The following PIP5K1B variants were observed in gnomAD, a reference collection of about 807,000 sequenced individuals.
PIP5K1B encodes the protein phosphatidylinositol-4-phosphate 5-kinase type 1 beta, also known as phosphatidylinositol 4-phosphate 5-kinase type-1 beta.
A neutral mutation model predicts 67.0 loss-of-function variants in PIP5K1B; 42 were observed. The observed-to-expected ratio is 0.63, with a 90% CI of 0.49 to 0.81. The LOEUF (loss-of-function observed/expected upper bound fraction) is 0.81. Ranked by LOEUF, PIP5K1B falls within the 30% of genes least tolerant of loss-of-function variation. The pLI, the probability that PIP5K1B is intolerant of heterozygous loss-of-function variation, is 0.00. For synonymous variants in PIP5K1B, 214 were observed against 231.4 expected (o/e 0.92, Z 0.68); for missense variants, 459 against 646.3 (o/e 0.71, Z 3.14).
At chr9:68,770,596 T>C (rs920573083) in intron 2 of PIP5K1B, among the ~76,000 whole-genome samples, 11 of 152,180 alleles carry the variant, frequency 7.2e-5, no homozygotes, top group African/African-American at 2.7e-4. Context: ...CCAGTGAGTC[T>C]TACTGCCTGA....
At chr9:68,833,367 G>A (rs1039629181) in intron 4 of PIP5K1B, among the ~76,000 whole-genome samples, 4 of 152,164 alleles carry the variant, frequency 2.6e-5, no homozygotes, top group Admixed American at 1.3e-4. Context: ...AAGCCCTGAG[G>A]CAGGAAGGAG....
At chr9:68,795,087 G>T (rs184330094) in intron 2 of PIP5K1B, among the ~76,000 whole-genome samples, 1 of 152,248 alleles carries the variant, frequency 6.6e-6, no homozygotes, top group Non-Finnish European at 1.5e-5. Context: ...GCTCTAGGTA[G>T]TATTGGTTTT....
chr9:68,968,715 A>ATATTTTT (rs779031015), intron 14 of PIP5K1B, among the ~76,000 whole-genome samples: 41 of 142,228 alleles, frequency 2.9e-4, no homozygotes, highest in African/African-American at 1.0e-3. Context: ...ATATATATAT[A>ATATTTTT]TTTTTTTTTT....
In PIP5K1B at chr9:68,895,134, A is replaced by C. The variant is rs79695677; in HGVS notation, c.771+496A>C. 3.8e-3 allele frequency among the ~76,000 whole-genome samples: 574 copies of C among 152,238 alleles called. 25 individuals are homozygous for C. In the East Asian group the frequency reaches 0.088, roughly 23 times the overall value. On this transcript the variant is annotated intron_variant, in intron 8 of 15. Transcript: ENST00000265382. ...TGATATGAGCAGCACGTTTGCTGAA[A>C]TTATTTTATGTGGTCTGAATAAGAG...
intron 4 of PIP5K1B, among the ~76,000 whole-genome samples, chr9:68,858,960 T>C (rs1457414560): frequency 6.6e-6 from 1 of 152,244 alleles, no homozygotes; most frequent in Non-Finnish European, 1.5e-5. Context: ...GTAACTTTCA[T>C]CATTATTATC....
intron 2 of PIP5K1B, among the ~76,000 whole-genome samples, chr9:68,762,412 A>C (rs1386952686): frequency 6.6e-6 from 1 of 152,084 alleles, no homozygotes; most frequent in Non-Finnish European, 1.5e-5. Context: ...GACTGTATTA[A>C]TTTGCATTTC....
At chr9:68,785,701 GC>G (rs1831572074) in intron 2 of PIP5K1B, among the ~76,000 whole-genome samples, 1 of 152,222 alleles carries the variant, frequency 6.6e-6, no homozygotes, top group Non-Finnish European at 1.5e-5. Context: ...GGATTCCAGA[GC>G]TGGGAGGTAG....
At chr9:68,711,559 T>A (rs1195891643) in intron 1 of PIP5K1B, among the ~76,000 whole-genome samples, 2 of 152,338 alleles carry the variant, frequency 1.3e-5, no homozygotes, top group Non-Finnish European at 1.5e-5. Flanking sequence ...AATATCACTC[T>A]TCAAAATCTT....
chr9:68,959,006 AAAG>A (rs1828559874), intron 14 of PIP5K1B, among the ~76,000 whole-genome samples: 1 of 152,226 alleles, frequency 6.6e-6, no homozygotes, highest in Non-Finnish European at 1.5e-5. Context: ...TGTAGGAAAG[AAAG>A]AATAAGAAAG....
At chr9:68,873,519 A>G (rs936255255) in intron 5 of PIP5K1B, among the ~76,000 whole-genome samples, 60 of 151,684 alleles carry the variant, frequency 4.0e-4, no homozygotes, top group African/African-American at 1.3e-3. Context: ...TTGGACTTCT[A>G]TGCAGTTCAT....
At chr9:68,829,511 C>T (rs1834168595) in intron 4 of PIP5K1B, among the ~76,000 whole-genome samples, 1 of 152,318 alleles carries the variant, frequency 6.6e-6, no homozygotes, top group South Asian at 2.1e-4. Flanking sequence ...GCTGGCGCTA[C>T]TGGCTTCTAG....
At chr9:68,845,049 C>G (rs992233199) in intron 4 of PIP5K1B, among the ~76,000 whole-genome samples, 2 of 152,070 alleles carry the variant, frequency 1.3e-5, no homozygotes, top group Non-Finnish European at 2.9e-5. Flanking sequence ...TAAATGAAAT[C>G]AGAAAGTCGT....
intron 2 of PIP5K1B, among the ~76,000 whole-genome samples, chr9:68,756,129 T>A (rs533584173): frequency 6.6e-6 from 1 of 152,218 alleles, no homozygotes; most frequent in Admixed American, 6.5e-5. Context: ...TTCCAGGGAC[T>A]TTTTTAGGGC....
intron 12 of PIP5K1B, among the ~76,000 whole-genome samples, chr9:68,931,133 C>G (rs1184121608): frequency 6.6e-6 from 1 of 152,044 alleles, no homozygotes. Flanking sequence ...GTGAGTCATG[C>G]TGCCGGTGTA....
chr9:68,921,492 T>G (rs1826400700), intron 11 of PIP5K1B, among the ~76,000 whole-genome samples: 1 of 152,106 alleles, frequency 6.6e-6, no homozygotes, highest in Non-Finnish European at 1.5e-5. Flanking sequence ...CCCCTCCTGT[T>G]TTCTGAGACC....
rs149535897 is a variant in PIP5K1B at position 68,882,887 on chromosome 9, T to G, written c.318+6093T>G. Among the ~76,000 whole-genome samples the G allele has an allele frequency of 1.3e-4, 20 of 152,344 alleles. No individual in the cohort carries two copies. In the East Asian group the frequency reaches 3.7e-3, roughly 28 times the overall value. ...GCTTCACTCAGAATGTTTTAGTGTC[T>G]CTTTGGATCACCCTGAAGTCATGGG... On this transcript the variant is annotated intron_variant, in intron 6 of 15. Coordinates refer to ENST00000265382, the MANE Select transcript of PIP5K1B (RefSeq NM_003558.4).
intron 1 of PIP5K1B, among the ~76,000 whole-genome samples, chr9:68,735,934 G>A (rs1828714948): frequency 6.6e-6 from 1 of 152,204 alleles, no homozygotes; most frequent in South Asian, 2.1e-4. Context: ...GCCTGAAGCA[G>A]GAGTGGCTTG....
chr9:68,801,480 G>A (rs1832601004), intron 2 of PIP5K1B, among the ~76,000 whole-genome samples: 2 of 152,234 alleles, frequency 1.3e-5, no homozygotes, highest in Non-Finnish European at 2.9e-5. Context: ...AGTGGTGGGT[G>A]TTGAGGCACC....
At chr9:68,827,072 G>A (rs1024600577) in intron 4 of PIP5K1B, among the ~76,000 whole-genome samples, 1 of 152,126 alleles carries the variant, frequency 6.6e-6, no homozygotes, top group African/African-American at 2.4e-5. Context: ...CTTTTTAAGT[G>A]ACTGTGCATT....
Sources: gnomAD v4.1 joint callset for allele counts (sites outside exome capture counted in the v4.1 genomes callset) on GRCh38, gnomAD v4.1.1 for gene constraint, MANE v1.5 for transcripts, NCBI Gene and HGNC (gene_info 2026-07-23, HGNC 2026-07-21) for gene names.